Variants in RASSF5 observed in about 807,000 individuals in gnomAD.
The protein encoded by RASSF5 is Ras association domain family member 5, also known as ras association domain-containing protein 5.
Under a neutral mutation model 40.5 loss-of-function variants are expected in RASSF5, and 25 were observed. The observed-to-expected ratio is 0.62, with a 90% CI of 0.45 to 0.86. The LOEUF (loss-of-function observed/expected upper bound fraction) is 0.86. Among genes scored for constraint, RASSF5 ranks in the 40% least tolerant of loss-of-function variants. RASSF5 has a pLI of 0.00. For missense variants in RASSF5, 521 were observed against 572.8 expected, an observed-to-expected ratio of 0.91 and a Z score of 0.92; for synonymous variants, 246 against 252.4, an observed-to-expected ratio of 0.97 and a Z score of 0.24.
chr1:206,586,623 A>G, intron 5 of RASSF5: 1 of 563,630 alleles, frequency 1.8e-6, no homozygotes, highest in South Asian at 2.3e-5. Context: ...TGGTCATGAG[A>G]TGCCAGCATT....
chr1:206,586,526 C>T, intron 5 of RASSF5: 1 of 276,844 alleles, frequency 3.6e-6, no homozygotes, highest in Non-Finnish European at 7.0e-6. Flanking sequence ...GTGGTTCCAG[C>T]ATCACTGTCA....
At chr1:206,578,510 CAAAT>C (rs1212579435) in intron 2 of RASSF5, among the ~76,000 whole-genome samples, 1 of 152,048 alleles carries the variant, frequency 6.6e-6, no homozygotes, top group African/African-American at 2.4e-5. Flanking sequence ...AAGAGCTTGA[CAAAT>C]AAAGTGACTT....
At chr1:206,530,755 A>T (rs1553397840) in intron 1 of RASSF5, among the ~76,000 whole-genome samples, 1 of 152,234 alleles carries the variant, frequency 6.6e-6, no homozygotes, top group Non-Finnish European at 1.5e-5. Flanking sequence ...GACTCTAAGC[A>T]AGTACACCCA....
Position 206,552,484 on chromosome 1 carries a change from C to G in RASSF5, c.579+14191C>G, listed in dbSNP as rs1364411771. 2.0e-5 allele frequency among the ~76,000 whole-genome samples: 3 copies of G among 152,050 alleles called. No homozygotes were observed. The highest frequency in any genetic ancestry group is 4.4e-5 in the Non-Finnish European group (3 of 68,004). ...AAGGGTGGCTTCTGGGAATGTGGAT[C>G]GAATTTTGTGCAGCTGTAATGAGGG... On this transcript the variant is annotated intron_variant, in intron 2 of 5. Transcript: ENST00000579436. This position sits in a 1 kb window ranked among gnomAD's most constrained non-coding sequence, Gnocchi z 4.1.
At chr1:206,526,990 G>A (rs1462432354) in intron 1 of RASSF5, among the ~76,000 whole-genome samples, 1 of 152,108 alleles carries the variant, frequency 6.6e-6, no homozygotes, top group Non-Finnish European at 1.5e-5. Context: ...TACTACCACC[G>A]CCATTTGCAG....
In RASSF5 at chr1:206,583,270, A is replaced by G; in HGVS notation, c.581A>G (p.Asn194Ser). 6.2e-7 allele frequency: 1 copy of G among 1,605,168 alleles called. No homozygotes were observed. Among genetic ancestry groups the G allele is most frequent in the East Asian group, 2.2e-5 (1 of 44,824 alleles). ...CCTCCACTTCTGTGTCTCTTCCAGA[A>G]TGTCTGTAAACCTGTGGAGGAGACA... ...ESTLTVTFSQ[N>S]VCKPVEETQR... The change falls in exon 3 of 6, where the codon AAT becomes AGT. Residue 194 changes from asparagine to serine, a missense_variant and splice_region_variant. By Grantham distance (46) the Asn-to-Ser change is conservative. Around this residue, in one of 2 missense-constraint regions of RASSF5, gnomAD observed 284 missense variants for 360.8 expected, o/e 0.79. Transcript: ENST00000579436.
intron 1 of RASSF5, among the ~76,000 whole-genome samples, chr1:206,523,737 T>G (rs1558498313): frequency 1.0e-5 from 1 of 99,194 alleles, no homozygotes; most frequent in Admixed American, 1.7e-4. Flanking sequence ...ATATTATATA[T>G]AATATATTTT....
At chr1:206,565,789 T>G (rs1446575593) in intron 2 of RASSF5, among the ~76,000 whole-genome samples, 1 of 152,148 alleles carries the variant, frequency 6.6e-6, no homozygotes, top group Non-Finnish European at 1.5e-5. Flanking sequence ...CACGAGGGGC[T>G]GGGAACAGGC....
At chr1:206,522,108 C>T (rs1666922905) in intron 1 of RASSF5, among the ~76,000 whole-genome samples, 1 of 152,056 alleles carries the variant, frequency 6.6e-6, no homozygotes, top group African/African-American at 2.4e-5. Context: ...TATATCTTTA[C>T]TGAGCTTTCT....
At chr1:206,555,536 GA>G (rs1213308715) in intron 2 of RASSF5, among the ~76,000 whole-genome samples, 2 of 151,848 alleles carry the variant, frequency 1.3e-5, no homozygotes, top group East Asian at 1.9e-4. Context: ...TCTAAAATTT[GA>G]AAAAAAGATT....
chr1:206,574,249 G>C (rs940164807), intron 2 of RASSF5, among the ~76,000 whole-genome samples: 1 of 152,218 alleles, frequency 6.6e-6, no homozygotes, highest in East Asian at 1.9e-4. Context: ...GGCCTGATCT[G>C]TGCTGCTTGA....
At chr1:206,514,023 C>CT (rs1226591653) in intron 1 of RASSF5, among the ~76,000 whole-genome samples, 3 of 152,242 alleles carry the variant, frequency 2.0e-5, no homozygotes, top group African/African-American at 7.2e-5. Flanking sequence ...CCCAAGAACT[C>CT]TCCATGGTGT....
rs1169289905 is a variant in RASSF5, at chr1:206,572,133, A to T, written c.580-11136A>T. 3.3e-5 allele frequency among the ~76,000 whole-genome samples: 5 copies of T among 152,300 alleles called. No homozygotes were observed. The East Asian group carries it at 9.6e-4, about 29-fold the overall frequency. ...AGCAATCCTACAAGACCTTTATAAA[A>T]TTCTGGAACCTTTTAATTACCTTAC... On this transcript the variant is annotated intron_variant, in intron 2 of 5. Transcript: ENST00000579436.
At position 206,549,941 on chromosome 1, in the gene RASSF5, G is replaced by T. The variant is rs375597465; in HGVS notation, c.579+11648G>T. On this transcript the variant is annotated intron_variant, in intron 2 of 5. Transcript: ENST00000579436. ...CATGCACACACCGATCAGTAAGCAC[G>T]CAGGTGAATACTATAGGGGCCTTTC... 1.1e-4 allele frequency among the ~76,000 whole-genome samples: 16 copies of T among 152,260 alleles called. 1 individual carries two copies. The South Asian group carries it at 2.7e-3, about 26-fold the overall frequency.
At chr1:206,520,228 G>A (rs1558496687) in intron 1 of RASSF5, among the ~76,000 whole-genome samples, 1 of 152,224 alleles carries the variant, frequency 6.6e-6, no homozygotes, top group Non-Finnish European at 1.5e-5. Flanking sequence ...TGATGGGAAA[G>A]GTGGACTGCA....
chr1:206,538,839 G>A (rs1553399014), intron 2 of RASSF5, among the ~76,000 whole-genome samples: 1 of 152,246 alleles, frequency 6.6e-6, no homozygotes, highest in African/African-American at 2.4e-5. Context: ...ACAGAGGAGT[G>A]TGTTTATTGC....
At chr1:206,530,655 A>G (rs1553397820) in intron 1 of RASSF5, among the ~76,000 whole-genome samples, 1 of 152,192 alleles carries the variant, frequency 6.6e-6, no homozygotes, top group Non-Finnish European at 1.5e-5. Context: ...CAAATGTTGG[A>G]GGAAGGGTGA....
At chr1:206,541,626 C>A (rs1156962021) in intron 2 of RASSF5, 5 of 152,086 alleles carry the variant, frequency 3.3e-5, no homozygotes, top group Non-Finnish European at 7.3e-5. Context: ...CCATGCGTGA[C>A]CAAGCAAATC....
rs533175549 is a variant in RASSF5 at position 206,587,301 on chromosome 1, C to T, written c.*323C>T. The T allele has an allele frequency of 2.8e-6, 1 of 361,664 alleles. No individual in the cohort carries two copies. Among genetic ancestry groups the T allele is most frequent in the East Asian group, 7.0e-5 (1 of 14,332 alleles). The allele number at this position is 361,664 out of a possible 1,614,324, so 22.4% of individuals were successfully genotyped here. Reference sequence around the variant, plus strand: ...TCGTCACCAAACTGGAACCTCACACCAGCCGGCAAAGGAAGGAAGAAAGGT... The same window carrying T: ...TCGTCACCAAACTGGAACCTCACACTAGCCGGCAAAGGAAGGAAGAAAGGT... On this transcript the variant is annotated 3_prime_UTR_variant, in exon 6 of 6. Coordinates refer to ENST00000579436, the MANE Select transcript of RASSF5 (RefSeq NM_182663.4).
Sources: allele counts gnomAD v4.1 joint callset (sites outside exome capture counted in the v4.1 genomes callset), GRCh38; gene constraint gnomAD v4.1.1; regional missense constraint gnomAD v4.1.1; non-coding constraint Gnocchi (gnomAD v3.1); transcripts MANE v1.5; gene names NCBI Gene and HGNC (gene_info 2026-07-23, HGNC 2026-07-21).